The following LMX1B variants were observed in gnomAD, a reference collection of about 807,000 sequenced individuals.
LMX1B encodes LIM homeobox transcription factor 1-beta.
A neutral mutation model predicts 51.4 loss-of-function variants in LMX1B; 12 were observed. The ratio of observed to expected loss-of-function variants is 0.23; its 90% confidence interval spans 0.15 to 0.38. LMX1B has a LOEUF of 0.38. Ranked by LOEUF, LMX1B falls within the 10% of genes least tolerant of loss-of-function variation. The pLI, the probability that LMX1B is intolerant of heterozygous loss-of-function variation, is 1.00. For synonymous variants in LMX1B, 237 were observed against 235.4 expected (o/e 1.01, Z -0.06); for missense variants, 445 against 571.1 (o/e 0.78, Z 2.25).
chr9:126,654,219 G>A (rs756905589), intron 2 of LMX1B, among the ~76,000 whole-genome samples: 1 of 152,180 alleles, frequency 6.6e-6, no homozygotes, highest in Non-Finnish European at 1.5e-5. Context: ...CTGCCCTTGC[G>A]CAGGTTTCAG....
In LMX1B at chr9:126,696,016, A is replaced by ACGGGGGGGC; in HGVS notation, c.1051+14_1051+15insGGGGGGGCC. 1.3e-6 allele frequency: 2 copies of ACGGGGGGGC among 1,512,656 alleles called. No individual in the cohort carries two copies. Among genetic ancestry groups the ACGGGGGGGC allele is most frequent in the South Asian group, 1.3e-5 (1 of 78,868 alleles). The allele number at this position is 1,512,656 out of a possible 1,614,324, so 93.7% of individuals were successfully genotyped here. The stretch of plus-strand genomic sequence containing the variant: ...ATGAACCCCTATGGTAAGCCGCCCT[A>ACGGGGGGGC]CCCCCACCCGCCCGCCCCAGCACAG... On this transcript the variant is annotated intron_variant, in intron 7 of 7. Transcript: ENST00000373474.
chr9:126,632,947 T>G (rs1208577043), intron 2 of LMX1B, among the ~76,000 whole-genome samples: 1 of 152,234 alleles, frequency 6.6e-6, no homozygotes, highest in Non-Finnish European at 1.5e-5. Flanking sequence ...GCCTTTTCAT[T>G]CTGTGCTGAG....
chr9:126,626,952 G>A lies in LMX1B; in HGVS notation c.326+11383G>A, dbSNP rs1434457484. Among the ~76,000 whole-genome samples, 1 of 152,208 alleles carries A rather than the reference G, an allele frequency of 6.6e-6. No individual in the cohort carries two copies. The highest frequency in any genetic ancestry group is 2.4e-5 in the African/African-American group (1 of 41,450). ...GCCCGCAGCGTCCGCCGGTCCGTCC[G>A]GGCTCCTCTGCAGGGAAGAGGCCTT... is the stretch of plus-strand genomic sequence containing the variant. On this transcript the variant is annotated intron_variant, in intron 2 of 7. Coordinates refer to ENST00000373474, the MANE Select transcript of LMX1B (RefSeq NM_001174147.2). This position sits in a 1 kb window ranked among gnomAD's most constrained non-coding sequence, Gnocchi z 4.3.
chr9:126,662,490 G>A (rs1836264921), intron 2 of LMX1B, among the ~76,000 whole-genome samples: 1 of 152,164 alleles, frequency 6.6e-6, no homozygotes, highest in African/African-American at 2.4e-5. Flanking sequence ...TCCTGCCCCT[G>A]GAGACCTCCT....
At position 126,653,742 on chromosome 9, in the gene LMX1B, C is replaced by T. The variant is rs543268800; in HGVS notation, c.327-37094C>T. On this transcript the variant is annotated intron_variant, in intron 2 of 7. Coordinates refer to ENST00000373474, the MANE Select transcript of LMX1B (RefSeq NM_001174147.2). ...TGCCCTTTCATGACCACACTCAGCTCCCTCCCACCCTTCATCCCCAGCCCC... is the reference window on the plus strand; with the variant it reads ...TGCCCTTTCATGACCACACTCAGCTTCCTCCCACCCTTCATCCCCAGCCCC... Among the ~76,000 whole-genome samples, 26 of 152,186 alleles carry T rather than the reference C, an allele frequency of 1.7e-4. 1 individual carries two copies. The South Asian group carries it at 5.2e-3, about 30-fold the overall frequency.
intron 2 of LMX1B, among the ~76,000 whole-genome samples, chr9:126,651,574 C>T (rs1057077561): frequency 6.6e-6 from 1 of 152,144 alleles, no homozygotes; most frequent in Non-Finnish European, 1.5e-5. Flanking sequence ...CCTCTAATTA[C>T]GCCTTAGCCC....
At chr9:126,678,925 A>T (rs1273422867) in intron 2 of LMX1B, among the ~76,000 whole-genome samples, 2 of 152,258 alleles carry the variant, frequency 1.3e-5, no homozygotes, top group Admixed American at 1.3e-4. Flanking sequence ...AAAGTTTATT[A>T]GTGTTGTTAC....
intron 2 of LMX1B, among the ~76,000 whole-genome samples, chr9:126,667,720 A>G (rs540194314): frequency 6.6e-6 from 1 of 152,250 alleles, no homozygotes; most frequent in Non-Finnish European, 1.5e-5. Context: ...CTAGGAACCC[A>G]CAGGTCTCTG....
At chr9:126,633,986 C>G (rs10732393) in intron 2 of LMX1B, among the ~76,000 whole-genome samples, 126,786 of 151,748 alleles carry the variant, frequency 0.84, 53,668 homozygotes, top group Non-Finnish European at 0.92. Context: ...TCCCCCTGTG[C>G]CTCCCGCTTT....
At position 126,700,284 on chromosome 9, in the gene LMX1B, A is replaced by G. The variant is rs10987418; in HGVS notation, c.*3833A>G. ...GCTGGGCATCTTAGGAGGCTTCCTG[A>G]GGGTGGGTAAAGGTGGGAAGGCCCT... On this transcript the variant is annotated 3_prime_UTR_variant, in exon 8 of 8. Coordinates refer to ENST00000373474, the MANE Select transcript of LMX1B (RefSeq NM_001174147.2). The G allele has an allele frequency of 0.44, 66,929 of 152,032 alleles. 15,508 individuals are homozygous for G. Among genetic ancestry groups the G allele is most frequent in the East Asian group, 0.85 (4,381 of 5,130 alleles). 9.4% of individuals were successfully genotyped at this position (152,032 alleles called of 1,614,324 possible). A position where few individuals can be genotyped will look rare whatever the true frequency, so the allele number is the denominator to read the frequency against.
intron 2 of LMX1B, among the ~76,000 whole-genome samples, chr9:126,649,372 G>A (rs1835960630): frequency 6.6e-6 from 1 of 152,160 alleles, no homozygotes; most frequent in South Asian, 2.1e-4. Flanking sequence ...ATCTTCCAGA[G>A]GCATCTCTCC....
intron 2 of LMX1B, among the ~76,000 whole-genome samples, chr9:126,682,443 G>A (rs1255825057): frequency 6.6e-6 from 1 of 152,098 alleles, no homozygotes; most frequent in East Asian, 1.9e-4. Context: ...ATTTATCTAC[G>A]TGTTAAAATA....
Position 126,652,296 on chromosome 9 carries a change from A to AGT in LMX1B, c.326+36728_326+36729insTG, listed in dbSNP as rs1554724845. 2.8e-3 allele frequency among the ~76,000 whole-genome samples: 338 copies of AGT among 120,362 alleles called. 1 individual carries two copies. Among genetic ancestry groups the AGT allele is most frequent in the South Asian group, 6.1e-3 (20 of 3,284 alleles). 79.0% of individuals were successfully genotyped at this position (120,362 alleles called of 152,430 possible). A position where few individuals can be genotyped will look rare whatever the true frequency, so the allele number is the denominator to read the frequency against. ...GAGCAGCAGGAGTCTGAGGAGGAGA[A>AGT]GGGGGGGGGGATTTTCTCTTTCTTC... On this transcript the variant is annotated intron_variant, in intron 2 of 7. Coordinates refer to ENST00000373474, the MANE Select transcript of LMX1B (RefSeq NM_001174147.2).
intron 2 of LMX1B, among the ~76,000 whole-genome samples, chr9:126,624,264 G>T (rs1835477098): frequency 2.0e-5 from 3 of 152,204 alleles, no homozygotes; most frequent in Admixed American, 6.5e-5. Flanking sequence ...GGGGTGCCCC[G>T]CCAGGTGGGG....
At chr9:126,614,628 G>T in intron 1 of LMX1B, 40 bp downstream of exon 1, 1 of 1,489,568 alleles carries the variant, frequency 6.7e-7, no homozygotes, top group East Asian at 2.6e-5. Flanking sequence ...TCTCGGGCGT[G>T]GGATGGGGCG....
intron 2 of LMX1B, among the ~76,000 whole-genome samples, chr9:126,682,251 C>T (rs1836690289): frequency 1.3e-5 from 2 of 151,886 alleles, no homozygotes; most frequent in Non-Finnish European, 2.9e-5. Context: ...TGCACTGGCT[C>T]CTCCCTCTGC....
intron 2 of LMX1B, among the ~76,000 whole-genome samples, chr9:126,652,298 G>GGA (rs1274079558): frequency 4.7e-5 from 7 of 149,266 alleles, no homozygotes; most frequent in Admixed American, 1.3e-4. Flanking sequence ...GGAGGAGAAG[G>GGA]GGGGGGGGAT....
intron 2 of LMX1B, among the ~76,000 whole-genome samples, chr9:126,666,398 A>G (rs4322101): frequency 0.44 from 66,955 of 152,024 alleles, 14,934 homozygotes; most frequent in East Asian, 0.53. Context: ...GCCAGGTGAC[A>G]GAGGCTGATG....
Position 126,625,709 on chromosome 9 carries a change from C to A in LMX1B, c.326+10140C>A, listed in dbSNP as rs976707573. 3.9e-5 allele frequency among the ~76,000 whole-genome samples: 6 copies of A among 152,338 alleles called. No individual in the cohort carries two copies. The highest frequency in any genetic ancestry group is 4.1e-4 in the South Asian group (2 of 4,832). On this transcript the variant is annotated intron_variant, in intron 2 of 7. Coordinates refer to ENST00000373474, the MANE Select transcript of LMX1B (RefSeq NM_001174147.2). The surrounding 1 kb of genome is among the most constrained non-coding windows in gnomAD (Gnocchi z 5.3). The stretch of plus-strand genomic sequence containing the variant: ...GTGGCGCCTTTCTCGCCACCTCCGC[C>A]GCCGCCGCCGCCACCCTCGTCCCAC...
Sources: gnomAD v4.1 joint callset for allele counts (sites outside exome capture counted in the v4.1 genomes callset) on GRCh38, gnomAD v4.1.1 for gene constraint, Gnocchi (gnomAD v3.1) non-coding constraint, MANE v1.5 for transcripts, NCBI Gene and HGNC (gene_info 2026-07-23, HGNC 2026-07-21) for gene names.